AEBP2: variants seen among roughly 807,000 people sequenced by gnomAD.
AEBP2 encodes the protein AE binding protein 2.
A neutral mutation model predicts 50.8 loss-of-function variants in AEBP2; 10 were observed. The observed-to-expected ratio is 0.20, with a 90% confidence interval of 0.12 to 0.33. The LOEUF is 0.33. Ranked by LOEUF, AEBP2 falls within the 10% of genes least tolerant of loss-of-function variation. The pLI is 1.00. For synonymous variants in AEBP2, 296 were observed against 261.3 expected (o/e 1.13, Z -1.28); for missense variants, 570 against 688.0 (o/e 0.83, Z 1.92).
intron 5 of AEBP2, among the ~76,000 whole-genome samples, chr12:19,505,761 T>TTTTG (rs141114133): frequency 0.022 from 3,275 of 152,122 alleles, 41 homozygotes; most frequent in East Asian, 0.042. Flanking sequence ...CATGGTCTGA[T>TTTTG]TTTGTTTGTT....
intron 1 of AEBP2, among the ~76,000 whole-genome samples, chr12:19,452,961 C>CTT (rs34876719): frequency 0.024 from 2,606 of 106,824 alleles, 56 homozygotes; most frequent in Middle Eastern, 0.03. Context: ...GACTTACGTT[C>CTT]TTTTTTTTTT....
chr12:19,472,935 A>G (rs1354866068), intron 2 of AEBP2, among the ~76,000 whole-genome samples: 1 of 152,096 alleles, frequency 6.6e-6, no homozygotes, highest in Non-Finnish European at 1.5e-5. Context: ...TGTGCAGTAA[A>G]TACAAAAATG....
chr12:19,424,606 C>T (rs1385014332), intron 1 of AEBP2, among the ~76,000 whole-genome samples: 1 of 150,912 alleles, frequency 6.6e-6, no homozygotes, highest in Non-Finnish European at 1.5e-5. Flanking sequence ...CCCTGTTAGC[C>T]AGGATGGTCT....
rs1220193585 is a variant in AEBP2 at position 19,518,754 on chromosome 12, C to T, written c.*637C>T. On this transcript the variant is annotated 3_prime_UTR_variant, in exon 8 of 8. Transcript: ENST00000266508. ...TGCAATCAACTAAAAATTCGTCTAT[C>T]GAATTAGGGCTGAAAATTACTGTTA... is the stretch of plus-strand genomic sequence containing the variant. 9 of 1,472,516 alleles carry T rather than the reference C, an allele frequency of 6.1e-6. No individual in the cohort carries two copies. Among genetic ancestry groups the T allele is most frequent in the South Asian group, 5.4e-5 (4 of 74,518 alleles). The allele number at this position is 1,472,516 out of a possible 1,614,324, so 91.2% of individuals were successfully genotyped here.
chr12:19,475,464 G>GTATATA (rs147770716), intron 3 of AEBP2, among the ~76,000 whole-genome samples: 39 of 150,878 alleles, frequency 2.6e-4, no homozygotes, highest in African/African-American at 9.5e-4. Flanking sequence ...GTATGTGTGT[G>GTATATA]TATATATATA....
intron 1 of AEBP2, among the ~76,000 whole-genome samples, chr12:19,412,608 T>A (rs1369849149): frequency 1.3e-5 from 2 of 151,938 alleles, no homozygotes; most frequent in African/African-American, 4.8e-5. Flanking sequence ...TTATTATTTT[T>A]AATTTTATGG....
chr12:19,465,657 G>T (rs1195469157), intron 2 of AEBP2, among the ~76,000 whole-genome samples: 1 of 152,096 alleles, frequency 6.6e-6, no homozygotes, highest in Non-Finnish European at 1.5e-5. Flanking sequence ...CTCTGAAAAT[G>T]CTGAGATTAC....
intron 3 of AEBP2, among the ~76,000 whole-genome samples, chr12:19,486,551 CA>C: frequency 1.3e-5 from 2 of 152,126 alleles, no homozygotes; most frequent in Middle Eastern, 6.8e-3. Flanking sequence ...CTACCACGTC[CA>C]GCTAATTTTT....
intron 5 of AEBP2, among the ~76,000 whole-genome samples, chr12:19,508,132 A>G (rs1949178718): frequency 6.6e-6 from 1 of 152,146 alleles, no homozygotes; most frequent in Non-Finnish European, 1.5e-5. Flanking sequence ...GCAGCTCCAG[A>G]CCTGTGTTTG....
At position 19,518,155 on chromosome 12, in the gene AEBP2, C is replaced by G. The variant is rs779995362; in HGVS notation, c.*38C>G. 6.4e-7 allele frequency: 1 copy of G among 1,565,650 alleles called. No individual in the cohort carries two copies. The highest frequency in any genetic ancestry group is 1.8e-5 in the Admixed American group (1 of 54,654). ...TACATAAAAAGCAAACAAGCGGGGA[C>G]ACCTGCAGTCTTAGTCACTGACAAT... is the stretch of plus-strand genomic sequence containing the variant. On this transcript the variant is annotated 3_prime_UTR_variant, in exon 8 of 8. Transcript: ENST00000266508.
rs1031997381 is a variant in AEBP2, at chr12:19,407,298, C to CTCTTTTT, written c.-17+3098_-17+3104dup. Among the ~76,000 whole-genome samples, 6 of 152,062 alleles carry CTCTTTTT rather than the reference C, an allele frequency of 3.9e-5. No individual in the cohort carries two copies. In the South Asian group the frequency reaches 1.0e-3, roughly 26 times the overall value. On this transcript the variant is annotated intron_variant, in intron 1 of 3. Coordinates refer to the AEBP2 transcript ENST00000538425. ...CTCGGGTGACACAGAAAGACCCCAT[C>CTCTTTTT]TCTTTTTTCTTTTTTCTTTTTTTTT...
At chr12:19,500,297 C>T in intron 5 of AEBP2, 76 bp downstream of exon 5, 1 of 1,286,062 alleles carries the variant, frequency 7.8e-7, no homozygotes, top group African/African-American at 1.6e-5. Context: ...TTCTAAATCT[C>T]TCAAAATCTA....
chr12:19,435,740 T>C (rs187565490), upstream of AEBP2, among the ~76,000 whole-genome samples: 3 of 152,296 alleles, frequency 2.0e-5, no homozygotes, highest in East Asian at 5.8e-4. Flanking sequence ...AAACCAGATA[T>C]AGTTATTGTA....
chr12:19,470,436 C>T (rs548187617), intron 2 of AEBP2, among the ~76,000 whole-genome samples: 15 of 152,312 alleles, frequency 9.8e-5, no homozygotes, highest in African/African-American at 3.4e-4. Context: ...GGATTACAGG[C>T]ATGAGCCATT....
In AEBP2 at chr12:19,490,416, C is replaced by T. The variant is rs550857848; in HGVS notation, c.988-3384C>T. ...TTTTTTATCGTGACTGAGTGTCACT[C>T]TGTTGCCCAGGCTGGAGTGCAGTGG... is the stretch of plus-strand genomic sequence containing the variant. On this transcript the variant is annotated intron_variant, in intron 3 of 7. Coordinates refer to ENST00000266508, the MANE Select transcript of AEBP2 (RefSeq NM_153207.5). Among the ~76,000 whole-genome samples the T allele has an allele frequency of 2.6e-4, 39 of 152,236 alleles. No individual in the cohort carries two copies. The East Asian group carries it at 7.4e-3, about 29-fold the overall frequency.
At chr12:19,442,690 T>C (rs1947983439) in intron 1 of AEBP2, among the ~76,000 whole-genome samples, 1 of 152,238 alleles carries the variant, frequency 6.6e-6, no homozygotes, top group Non-Finnish European at 1.5e-5. Flanking sequence ...AATACTGTTT[T>C]TAATGTCACC....
chr12:19,482,136 G>A (rs1948739564), intron 3 of AEBP2, among the ~76,000 whole-genome samples: 1 of 152,100 alleles, frequency 6.6e-6, no homozygotes, highest in South Asian at 2.1e-4. Flanking sequence ...CTAGGGATGG[G>A]GCTTCCTGAG....
chr12:19,436,972 C>T (rs1348368705), upstream of AEBP2, among the ~76,000 whole-genome samples: 2 of 152,070 alleles, frequency 1.3e-5, no homozygotes, highest in African/African-American at 4.8e-5. Flanking sequence ...AACCTCTGTC[C>T]TGCTGTCTCC....
At chr12:19,412,155 T>C (rs1429719575) in intron 1 of AEBP2, among the ~76,000 whole-genome samples, 1 of 152,258 alleles carries the variant, frequency 6.6e-6, no homozygotes, top group Non-Finnish European at 1.5e-5. Flanking sequence ...AGAGGTGTTC[T>C]GTGGACTCTC....
Sources: allele counts gnomAD v4.1 joint callset (sites outside exome capture counted in the v4.1 genomes callset), GRCh38; gene constraint gnomAD v4.1.1; transcripts MANE v1.5; gene names NCBI Gene and HGNC (gene_info 2026-07-23, HGNC 2026-07-21).